Variants in DPP7 observed in about 807,000 individuals in gnomAD.
DPP7 encodes the protein dipeptidyl peptidase 7, also known as dipeptidyl peptidase 2.
Under a neutral mutation model 58.8 loss-of-function variants are expected in DPP7, and 74 were observed. The ratio of observed to expected loss-of-function variants is 1.26; its 90% CI spans 1.04 to 1.53. DPP7 has a LOEUF of 1.53. DPP7 is among the 40% of genes most tolerant of loss of function. The pLI is 0.00. For synonymous variants in DPP7, 350 were observed against 303.6 expected, an observed-to-expected ratio of 1.15 and a Z score of -1.59; for missense variants, 807 against 692.3, an observed-to-expected ratio of 1.17 and a Z score of -1.86.
At chr9:137,111,850 G>A (rs571126074) in intron 10 of DPP7, 23 bp downstream of exon 10, 1 of 1,611,640 alleles carries the variant, frequency 6.2e-7, no homozygotes, top group African/African-American at 1.3e-5. Context: ...GCAGGACGCT[G>A]GCCCACCCCC....
In DPP7 at chr9:137,111,943, C is replaced by G. The variant is rs1831389044; in HGVS notation, c.1137G>C (p.Gln379His). Reference protein sequence around the residue: ...PDLPFTDELRQRYCLDTWGVW... With the variant: ...PDLPFTDELRHRYCLDTWGVW... ...CGCCCCAGGTGTCCAGGCAGTACCGCTGGCGGAGCTCGTCAGTGAAGGGCA... is the reference window on the plus strand; with the variant it reads ...CGCCCCAGGTGTCCAGGCAGTACCGGTGGCGGAGCTCGTCAGTGAAGGGCA... The change falls in exon 10 of 13, where the codon CAG becomes CAC. Residue 379 changes from glutamine to histidine, a missense_variant. Transcript: ENST00000371579. 6.2e-7 allele frequency: 1 copy of G among 1,612,460 alleles called. No homozygotes were observed. Among genetic ancestry groups the G allele is most frequent in the South Asian group, 1.1e-5 (1 of 91,050 alleles).
At chr9:137,113,687 G>A in intron 4 of DPP7, 178 bp downstream of exon 4, 1 of 1,424,612 alleles carries the variant, frequency 7.0e-7, no homozygotes, top group Non-Finnish European at 9.2e-7. Context: ...AGCTGAGCAG[G>A]TGGCTGGGAG....
At position 137,110,569 on chromosome 9, in the gene DPP7, A is replaced by G; in HGVS notation, c.*79T>C. The G allele has an allele frequency of 6.5e-7, 1 of 1,536,208 alleles. No individual in the cohort carries two copies. The highest frequency in any genetic ancestry group is 2.3e-5 in the East Asian group (1 of 43,950). ...TGGCCAGGCCTCCAGGCGTTTATTCAGCCCCTTCCCTCTGCCGCCAGCTGC... is the reference window on the plus strand; with the variant it reads ...TGGCCAGGCCTCCAGGCGTTTATTCGGCCCCTTCCCTCTGCCGCCAGCTGC... On this transcript the variant is annotated 3_prime_UTR_variant, in exon 13 of 13. Transcript: ENST00000371579.
chr9:137,113,520 G>GGCT (rs1564324306), intron 4 of DPP7, 24 bp from the exon 5 acceptor site: 9 of 1,528,144 alleles, frequency 5.9e-6, no homozygotes, highest in Admixed American at 2.2e-5. Flanking sequence ...ACAGGGTTAG[G>GGCT]GCTGCTGCCC....
intron 4 of DPP7, 41 bp from the exon 5 acceptor site, chr9:137,113,537 C>T: frequency 3.3e-6 from 5 of 1,514,314 alleles, no homozygotes; most frequent in South Asian, 2.6e-5. Flanking sequence ...GCCCCCAACA[C>T]CCCATTTCCT....
At position 137,113,119 on chromosome 9, in the gene DPP7, G is replaced by C. The variant is rs761856167; in HGVS notation, c.704C>G (p.Ala235Gly). The change falls in exon 7 of 13, where the codon GCC becomes GGC. Residue 235 changes from alanine (A) to glycine (G), a missense_variant and splice_region_variant. This residue lies in a region of DPP7 where 624 missense variants were observed against 531.2 expected (regional missense o/e 1.17). Transcript: ENST00000371579. ...GAACTCCCAGCGGACCGTGTCGTAG[G>C]CTGCGTGGAAGGGGCAGAGACTTGA... ...RQIKDLFLQG[A>G]YDTVRWEFGT... The C allele has an allele frequency of 6.2e-7, 1 of 1,613,644 alleles. No individual in the cohort carries two copies. Among genetic ancestry groups the C allele is most frequent in the East Asian group, 2.2e-5 (1 of 44,898 alleles).
Position 137,111,744 on chromosome 9 carries a change from G to A in DPP7, c.1218C>T (p.Ala406=), listed in dbSNP as rs780818415. ...LTSFWGGDLR[A]ASNIIFSNGN... ...CGTTGGAGAAGATGATGTTGCTGGCGGCTCTGAGATCTGCAAGGGGCAGAG... is the reference window on the plus strand; with the variant it reads ...CGTTGGAGAAGATGATGTTGCTGGCAGCTCTGAGATCTGCAAGGGGCAGAG... The change falls in exon 11 of 13, where the codon GCC becomes GCT. Residue 406 remains alanine (A), a synonymous_variant. Transcript: ENST00000371579. 32 of 1,613,676 alleles carry A rather than the reference G, an allele frequency of 2.0e-5. No individual in the cohort carries two copies. In the African/African-American group the frequency reaches 2.5e-4, roughly 13 times the overall value.
At chr9:137,117,999 T>C (rs1328340761), upstream of DPP7, among the ~76,000 whole-genome samples, 1 of 152,056 alleles carries the variant, frequency 6.6e-6, no homozygotes, top group East Asian at 1.9e-4. Context: ...TGTCCTTTTT[T>C]TTTTTCGAGA....
In DPP7 at chr9:137,110,671, C is replaced by G. The variant is rs149442204; in HGVS notation, c.1456G>C (p.Gly486Arg). Residue 486 changes from glycine (G) to arginine (R), a missense_variant, in exon 13 of 13, where the codon GGG (glycine) becomes CGG (arginine). Coordinates refer to ENST00000371579, the MANE Select transcript of DPP7 (RefSeq NM_013379.3). ...ARREQQPALR[G>R]GPRLSL is the part of the protein sequence containing the mutation. ...GCTCAGAGGCTGAGTCTGGGCCCCC[C>G]ACGCAGAGCTGGCTGCTGCTCACGC... 1 of 1,609,988 alleles carries G rather than the reference C, an allele frequency of 6.2e-7. No homozygotes were observed. Among genetic ancestry groups the G allele is most frequent in the African/African-American group, 1.3e-5 (1 of 74,976 alleles).
At chr9:137,112,448 A>G (rs1003503996) in intron 8 of DPP7, 1 of 624,434 alleles carries the variant, frequency 1.6e-6, no homozygotes, top group African/African-American at 1.8e-5. Context: ...CCCGCTCTCC[A>G]CGGGGCAGGG....
At chr9:137,117,081 G>A (rs574354743), upstream of DPP7, among the ~76,000 whole-genome samples, 7 of 152,324 alleles carry the variant, frequency 4.6e-5, 1 homozygote, top group Non-Finnish European at 1.0e-4. Context: ...AGAGACCGGG[G>A]CCGGTGCGGG....
rs756724565 is a variant in DPP7, at chr9:137,112,217, G to A, written c.945C>T (p.Asn315=). 3.7e-6 allele frequency: 6 copies of A among 1,600,292 alleles called. No individual in the cohort carries two copies. Among genetic ancestry groups the A allele is most frequent in the Admixed American group, 1.7e-5 (1 of 59,768 alleles). The change falls in exon 9 of 13, where the codon AAC becomes AAT. Residue 315 remains asparagine (N), a synonymous_variant. Coordinates refer to ENST00000371579, the MANE Select transcript of DPP7 (RefSeq NM_013379.3). ...GLRALAGLVY[N]ASGSEHCYDI... is the part of the protein sequence containing the mutation. ...CGTAGCAGTGCTCGGAGCCCGAGGC[G>A]TTGTAGACCAGCCCTGGGGAGGAGA...
At chr9:137,111,024 G>C in intron 11 of DPP7, 74 bp from the exon 12 acceptor site, 1 of 1,456,218 alleles carries the variant, frequency 6.9e-7, no homozygotes, top group Non-Finnish European at 9.5e-7. Flanking sequence ...CCATTGGAGA[G>C]GAGACGTGAG....
upstream of DPP7, among the ~76,000 whole-genome samples, chr9:137,116,847 A>G (rs1831653202): frequency 1.3e-5 from 2 of 152,318 alleles, no homozygotes; most frequent in South Asian, 4.1e-4. Context: ...TGGAGGCGAG[A>G]TATGCTGGCG....
intron 11 of DPP7, among the ~76,000 whole-genome samples, chr9:137,111,174 G>C (rs529151651): frequency 6.6e-6 from 1 of 152,248 alleles, no homozygotes; most frequent in East Asian, 1.9e-4. Context: ...TGTGATCCCA[G>C]CACTCTGGGA....
chr9:137,112,233 G>A lies in DPP7; in HGVS notation c.932-3C>T. The A allele has an allele frequency of 6.3e-7, 1 of 1,595,838 alleles. No homozygotes were observed. On this transcript the variant is annotated splice_region_variant and splice_polypyrimidine_tract_variant and intron_variant, in intron 8 of 12. Coordinates refer to ENST00000371579, the MANE Select transcript of DPP7 (RefSeq NM_013379.3). ...GCCCGAGGCGTTGTAGACCAGCCCTGGGGAGGAGAGGCGCTGGGGCCCAGC... is the reference window on the plus strand; with the variant it reads ...GCCCGAGGCGTTGTAGACCAGCCCTAGGGAGGAGAGGCGCTGGGGCCCAGC...
At chr9:137,114,853 GCCC>G, upstream of DPP7, 1 of 525,162 alleles carries the variant, frequency 1.9e-6, no homozygotes, top group South Asian at 9.8e-5. Flanking sequence ...CCGGGGCTGT[GCCC>G]CCCAACACCC....
rs752974082 is a variant in DPP7, at chr9:137,113,879, G to T, written c.471C>A (p.Ile157=). 1 of 1,554,084 alleles carries T rather than the reference G, an allele frequency of 6.4e-7. No individual in the cohort carries two copies. The highest frequency in any genetic ancestry group is 8.7e-7 in the Non-Finnish European group (1 of 1,155,450). The change falls in exon 4 of 13, where the codon ATC becomes ATA. Residue 157 remains isoleucine, a synonymous_variant. Transcript: ENST00000371579. The part of the protein sequence containing the change: ...RDLGAQDAPA[I]AFGGSYGGML... ...GAGGCGCCCACCTTCCACCGAAGGC[G>T]ATGGCGGGGGCATCCTGGGCCCCGA...
rs1831523210 is a variant in DPP7, at chr9:137,114,137, G to GCCCGCGACCCCGCCCGGCACCCGCGTGC, written c.321+78_321+105dup. On this transcript the variant is annotated intron_variant, in intron 3 of 12. Coordinates refer to ENST00000371579, the MANE Select transcript of DPP7 (RefSeq NM_013379.3). ...GGCACCCGCGTGCCCCGCGACCCCC[G>GCCCGCGACCCCGCCCGGCACCCGCGTGC]CCCGCGACCCCGCCCGGCACCCGCG... 1.1e-4 allele frequency: 9 copies of GCCCGCGACCCCGCCCGGCACCCGCGTGC among 82,816 alleles called. No individual in the cohort carries two copies. The East Asian group carries it at 4.9e-3, about 45-fold the overall frequency. The allele number at this position is 82,816 out of a possible 1,614,324, so 5.1% of individuals were successfully genotyped here. A position where few individuals can be genotyped will look rare whatever the true frequency, so the allele number is the denominator to read the frequency against.
Sources: allele counts gnomAD v4.1 joint callset (sites outside exome capture counted in the v4.1 genomes callset), GRCh38; gene constraint gnomAD v4.1.1; regional missense constraint gnomAD v4.1.1; transcripts MANE v1.5; gene names NCBI Gene and HGNC (gene_info 2026-07-23, HGNC 2026-07-21).